UGT1A3: variants seen among roughly 807,000 people sequenced by gnomAD.
UGT1A3 encodes UDP glucuronosyltransferase family 1 member A3, also known as UDP-glucuronosyltransferase 1A3.
In UGT1A3, 31 loss-of-function variants were observed where a neutral mutation model predicts 41.0. The ratio of observed to expected loss-of-function variants is 0.76; its 90% CI spans 0.57 to 1.02. The LOEUF is 1.02. Ranked by LOEUF, UGT1A3 falls within the 50% of genes least tolerant of loss-of-function variation. The probability of loss-of-function intolerance (pLI) is 0.00; values close to 1 mark genes in which losing one functional copy is unlikely to be tolerated. For missense variants in UGT1A3, 737 were observed against 671.0 expected, an observed-to-expected ratio of 1.10 and a Z score of -1.09; for synonymous variants, 262 against 257.6, an observed-to-expected ratio of 1.02 and a Z score of -0.17.
rs534080873 is a variant in UGT1A3 at position 233,731,172 on chromosome 2, T to C, written c.867+1179T>C. Among the ~76,000 whole-genome samples, 21 of 152,344 alleles carry C rather than the reference T, an allele frequency of 1.4e-4. No individual in the cohort carries two copies. The South Asian group carries it at 3.1e-3, about 23-fold the overall frequency. The stretch of plus-strand genomic sequence containing the variant: ...CTTTTTGATCAAACGACATGATTTT[T>C]TTATGCAATGTAATTATTCAATTAT... On this transcript the variant is annotated intron_variant, in intron 1 of 4. Coordinates refer to ENST00000482026, the MANE Select transcript of UGT1A3 (RefSeq NM_019093.4).
At chr2:233,743,214 G>A (rs1433363859) in intron 1 of UGT1A3, 1 of 406,842 alleles carries the variant, frequency 2.5e-6, no homozygotes, top group Non-Finnish European at 4.9e-6. Flanking sequence ...CGGAGTAACT[G>A]CTCTTTGCTA....
At chr2:233,753,469 A>T (rs28900386) in intron 1 of UGT1A3, 9 of 152,358 alleles carry the variant, frequency 5.9e-5, no homozygotes, top group African/African-American at 1.9e-4. Flanking sequence ...TCTGTAAAAA[A>T]TTACCAGCAT....
At position 233,767,022 on chromosome 2, in the gene UGT1A3, T is replaced by G. The variant is rs1433529256; in HGVS notation, c.868-12T>G. 2.5e-6 allele frequency: 4 copies of G among 1,613,876 alleles called. No homozygotes were observed. The African/African-American group carries it at 5.3e-5, about 22-fold the overall frequency. On this transcript the variant is annotated splice_polypyrimidine_tract_variant and intron_variant, in intron 1 of 4. Coordinates refer to ENST00000482026, the MANE Select transcript of UGT1A3 (RefSeq NM_019093.4). Reference sequence around the variant, plus strand: ...AGAAAAAATTAACTGAAAATTTTTCTTCTGGCTCTAGGAATTTGAAGCCTA... The same window carrying G: ...AGAAAAAATTAACTGAAAATTTTTCGTCTGGCTCTAGGAATTTGAAGCCTA...
intron 1 of UGT1A3, among the ~76,000 whole-genome samples, chr2:233,745,157 A>T (rs1409881340): frequency 6.6e-6 from 1 of 151,846 alleles, no homozygotes; most frequent in Non-Finnish European, 1.5e-5. Context: ...TGGAGGGTCA[A>T]ATGTGCATGT....
chr2:233,733,374 C>T (rs1046101046), intron 1 of UGT1A3, among the ~76,000 whole-genome samples: 17 of 152,240 alleles, frequency 1.1e-4, no homozygotes, highest in Middle Eastern at 3.4e-3. Context: ...AGAGGTCATC[C>T]TTGTTTTGTG....
intron 1 of UGT1A3, chr2:233,755,273 G>GGA: frequency 1.3e-6 from 1 of 755,874 alleles, no homozygotes. Flanking sequence ...CCACTATGCT[G>GGA]GACTGCCAAA....
rs1239644692 is a variant in UGT1A3 at position 233,769,886 on chromosome 2, C to T, written c.1307+1447C>T. On this transcript the variant is annotated intron_variant, in intron 4 of 4. Coordinates refer to ENST00000482026, the MANE Select transcript of UGT1A3 (RefSeq NM_019093.4). The surrounding 1 kb of genome is among the most constrained non-coding windows in gnomAD (Gnocchi z 4.4). ...AAAAAAAAAAAAAATGAAAAGTCCACATAACCTGAGCATCATGTGCCCAGA... is the reference window on the plus strand; with the variant it reads ...AAAAAAAAAAAAAATGAAAAGTCCATATAACCTGAGCATCATGTGCCCAGA... The T allele has an allele frequency of 5.3e-5, 21 of 399,374 alleles. No individual in the cohort carries two copies. The South Asian group carries it at 8.0e-4, about 15-fold the overall frequency. The allele number at this position is 399,374 out of a possible 1,614,324, so 24.7% of individuals were successfully genotyped here.
At chr2:233,762,499 T>G (rs1698093030) in intron 1 of UGT1A3, among the ~76,000 whole-genome samples, 1 of 152,234 alleles carries the variant, frequency 6.6e-6, no homozygotes, top group African/African-American at 2.4e-5. Context: ...GCTATTACTT[T>G]TTAAACTATG....
Position 233,729,830 on chromosome 2 carries a change from C to T in UGT1A3, c.704C>T (p.Ala235Val). 1.2e-6 allele frequency: 2 copies of T among 1,613,904 alleles called. No homozygotes were observed. The highest frequency in any genetic ancestry group is 1.7e-6 in the Non-Finnish European group (2 of 1,179,858). ...HAFSAPYASLASELFQREVSV... is the reference protein window; with the variant it reads ...HAFSAPYASLVSELFQREVSV... The stretch of plus-strand genomic sequence containing the variant: ...TTTTCTGCTCCTTATGCAAGCCTTG[C>T]CTCTGAGCTTTTTCAGAGAGAGGTG... Residue 235 changes from alanine to valine, a missense_variant, in exon 1 of 5, where the codon GCC becomes GTC. Ala to Val is a moderately conservative substitution (Grantham distance 64). Transcript: ENST00000482026.
Position 233,769,593 on chromosome 2 carries a change from G to A in UGT1A3, c.1307+1154G>A, listed in dbSNP as rs748291102. The A allele has an allele frequency of 1.9e-5, 30 of 1,612,700 alleles. No homozygotes were observed. The East Asian group carries it at 4.2e-4, about 23-fold the overall frequency. On this transcript the variant is annotated intron_variant, in intron 4 of 4. Coordinates refer to ENST00000482026, the MANE Select transcript of UGT1A3 (RefSeq NM_019093.4). The surrounding 1 kb of genome is among the most constrained non-coding windows in gnomAD (Gnocchi z 4.4). ...GGAGCATGTTCAGATGAGAGGAGAC[G>A]GAACACGGGGACACACCAGCTTGAG... is the stretch of plus-strand genomic sequence containing the variant.
intron 1 of UGT1A3, 29 bp from the exon 2 acceptor site, chr2:233,767,005 T>C: frequency 6.2e-7 from 1 of 1,613,726 alleles, no homozygotes; most frequent in African/African-American, 1.3e-5. Flanking sequence ...TGAGAAAAAA[T>C]TAACTGAAAA....
intron 1 of UGT1A3, among the ~76,000 whole-genome samples, chr2:233,737,003 G>A (rs560792837): frequency 9.8e-5 from 15 of 152,324 alleles, no homozygotes; most frequent in Middle Eastern, 3.4e-3. Context: ...TCAGGGACCC[G>A]CTTGAGGAGG....
intron 1 of UGT1A3, among the ~76,000 whole-genome samples, chr2:233,735,528 T>A (rs1193840651): frequency 1.3e-5 from 2 of 152,238 alleles, no homozygotes; most frequent in African/African-American, 4.8e-5. Flanking sequence ...TAAATATTGT[T>A]ATGAGTGAAT....
chr2:233,742,382 T>C (rs1691962910), intron 1 of UGT1A3, among the ~76,000 whole-genome samples: 1 of 152,014 alleles, frequency 6.6e-6, no homozygotes, highest in Admixed American at 6.5e-5. Flanking sequence ...AAGGCACAGA[T>C]GGCTCATGTT....
rs1017104769 is a variant in UGT1A3, at chr2:233,772,683, C to T, written c.*124C>T. On this transcript the variant is annotated 3_prime_UTR_variant, in exon 5 of 5. Transcript: ENST00000482026. The stretch of plus-strand genomic sequence containing the variant: ...GAAATACTTTGCATAAATTAATCAG[C>T]CCCAGAGTGCTTTAAAAAATTCTCT... 4 of 1,495,776 alleles carry T rather than the reference C, an allele frequency of 2.7e-6. No individual in the cohort carries two copies. Among genetic ancestry groups the T allele is most frequent in the Admixed American group, 4.9e-5 (2 of 41,024 alleles). 92.7% of individuals were successfully genotyped at this position (1,495,776 alleles called of 1,614,324 possible).
Position 233,769,795 on chromosome 2 carries a change from C to A in UGT1A3, c.1307+1356C>A. 1 of 1,235,564 alleles carries A rather than the reference C, an allele frequency of 8.1e-7. No homozygotes were observed. The highest frequency in any genetic ancestry group is 1.1e-6 in the Non-Finnish European group (1 of 932,226). 76.5% of individuals were successfully genotyped at this position (1,235,564 alleles called of 1,614,324 possible). On this transcript the variant is annotated intron_variant, in intron 4 of 4. Coordinates refer to ENST00000482026, the MANE Select transcript of UGT1A3 (RefSeq NM_019093.4). This position sits in a 1 kb window ranked among gnomAD's most constrained non-coding sequence, Gnocchi z 4.4. ...GCTTGAGCCCAGAAGTTGGAGGCTG[C>A]TATGAGCCGTGATCATGCCACTGCA...
intron 1 of UGT1A3, among the ~76,000 whole-genome samples, chr2:233,759,189 C>T (rs938228585): frequency 2.0e-5 from 3 of 152,184 alleles, no homozygotes; most frequent in African/African-American, 7.2e-5. Flanking sequence ...CAAAAAGTTC[C>T]TTCCCAGGTT....
intron 1 of UGT1A3, chr2:233,753,392 A>T (rs1289674788): frequency 6.6e-6 from 1 of 152,232 alleles, no homozygotes; most frequent in Non-Finnish European, 1.5e-5. Flanking sequence ...CTCTGAGGGT[A>T]CTAGAGCATA....
intron 4 of UGT1A3, chr2:233,770,023 G>A (rs1575848651): frequency 6.2e-6 from 1 of 160,986 alleles, no homozygotes; most frequent in Non-Finnish European, 1.4e-5. Flanking sequence ...TTCTTTCCCT[G>A]CACTGTTGAA....
Sources: gnomAD v4.1 joint callset for allele counts (sites outside exome capture counted in the v4.1 genomes callset) on GRCh38, gnomAD v4.1.1 for gene constraint, Gnocchi (gnomAD v3.1) non-coding constraint, MANE v1.5 for transcripts, NCBI Gene and HGNC (gene_info 2026-07-23, HGNC 2026-07-21) for gene names.